Variants in SLC25A33 observed in about 807,000 individuals in gnomAD.
SLC25A33 encodes the protein bone marrow stromal cell mitochondrial carrier protein.
SLC25A33 carries 15 observed loss-of-function variants against 35.5 expected under a neutral mutation model. The observed-to-expected ratio is 0.42, with a 90% CI of 0.28 to 0.65. The LOEUF (loss-of-function observed/expected upper bound fraction) is 0.65, where lower values mean the gene tolerates loss of function less well. SLC25A33 is among the 30% of genes least tolerant of loss of function. SLC25A33 has a pLI of 0.20. For synonymous variants in SLC25A33, 136 were observed against 148.7 expected, an observed-to-expected ratio of 0.91 and a Z score of 0.62; for missense variants, 257 against 398.5, an observed-to-expected ratio of 0.64 and a Z score of 3.02.
intron 4 of SLC25A33, among the ~76,000 whole-genome samples, chr1:9,571,824 A>G (rs995539141): frequency 2.0e-5 from 3 of 152,062 alleles, no homozygotes; most frequent in African/African-American, 7.2e-5. Context: ...TATTTTTTGT[A>G]GAAATGGAGT....
chr1:9,561,155 G>GCTAATTA (rs1643418586), intron 2 of SLC25A33, among the ~76,000 whole-genome samples: 1 of 152,060 alleles, frequency 6.6e-6, no homozygotes, highest in South Asian at 2.1e-4. Flanking sequence ...GTATTAGCCA[G>GCTAATTA]GATGGACTCC....
In SLC25A33 at chr1:9,582,350, T is replaced by G; in HGVS notation, c.815T>G (p.Val272Gly). 6.2e-7 allele frequency: 1 copy of G among 1,613,982 alleles called. No individual in the cohort carries two copies. Among genetic ancestry groups the G allele is most frequent in the Non-Finnish European group, 8.5e-7 (1 of 1,179,870 alleles). Residue 272 changes from valine (V) to glycine (G), a missense_variant, in exon 7 of 7, where the codon GTC (valine) becomes GGC (glycine). Val to Gly is a moderately radical substitution (Grantham distance 109, BLOSUM62 -3). Coordinates refer to ENST00000302692, the MANE Select transcript of SLC25A33 (RefSeq NM_032315.3). The surrounding 1 kb of genome is among the most constrained non-coding windows in gnomAD (Gnocchi z 4.0). Reference sequence around the variant, plus strand: ...GAGGGCACCAAGTACAAGTCTTTTGTCCAGACGGCGCGCCTGGTGTTCCGG... The same window carrying G: ...GAGGGCACCAAGTACAAGTCTTTTGGCCAGACGGCGCGCCTGGTGTTCCGG... ...REEGTKYKSFVQTARLVFREE... is the reference protein window; with the variant it reads ...REEGTKYKSFGQTARLVFREE...
intron 1 of SLC25A33, among the ~76,000 whole-genome samples, chr1:9,553,367 G>A (rs921482287): frequency 6.6e-6 from 1 of 151,514 alleles, no homozygotes; most frequent in Non-Finnish European, 1.5e-5. Context: ...TGGGACTACA[G>A]GCGCCTGCCA....
Position 9,539,541 on chromosome 1 carries a change from A to T in SLC25A33, c.-151A>T. ...GCCGCGGAAGGCGCGGGCCGAGCAG[A>T]GCCGGGCGTTGGAGCCCGCGCGCGC... On this transcript the variant is annotated 5_prime_UTR_variant, in exon 1 of 7. Transcript: ENST00000302692. 1 of 424,008 alleles carries T rather than the reference A, an allele frequency of 2.4e-6. No homozygotes were observed. Among genetic ancestry groups the T allele is most frequent in the Non-Finnish European group, 3.6e-6 (1 of 278,694 alleles). The allele number at this position is 424,008 out of a possible 1,614,324, so 26.3% of individuals were successfully genotyped here.
chr1:9,552,092 G>T (rs1643274075), intron 1 of SLC25A33, among the ~76,000 whole-genome samples: 1 of 152,148 alleles, frequency 6.6e-6, no homozygotes, highest in Non-Finnish European at 1.5e-5. Context: ...GAATATAAGG[G>T]TAATACTCAA....
chr1:9,566,017 T>C (rs1359976441), intron 2 of SLC25A33, among the ~76,000 whole-genome samples: 2 of 152,150 alleles, frequency 1.3e-5, no homozygotes, highest in African/African-American at 4.8e-5. Context: ...CCTTAAATTC[T>C]GCCCTCCCCC....
intron 1 of SLC25A33, among the ~76,000 whole-genome samples, chr1:9,551,532 C>T (rs1239029244): frequency 6.6e-6 from 1 of 152,146 alleles, no homozygotes; most frequent in African/African-American, 2.4e-5. Context: ...TCTATATGTC[C>T]AGGCCTGTTT....
At chr1:9,580,882 A>G (rs1309068639) in intron 6 of SLC25A33, among the ~76,000 whole-genome samples, 1 of 148,704 alleles carries the variant, frequency 6.7e-6, no homozygotes, top group African/African-American at 2.4e-5. Context: ...AATAATAATA[A>G]TAATAATAAT....
rs368909848 is a variant in SLC25A33 at position 9,553,851 on chromosome 1, G to A, written c.236+46G>A. 4.3e-5 allele frequency: 67 copies of A among 1,555,104 alleles called. 1 individual carries two copies. Among genetic ancestry groups the A allele is most frequent in the South Asian group, 4.1e-4 (36 of 87,320 alleles). On this transcript the variant is annotated intron_variant, in intron 2 of 6. Transcript: ENST00000302692. ...TCCTGCCACCTGCACACCCTGTACCGCCACTGTCAACAGAGAATGTTCATC... is the reference window on the plus strand; with the variant it reads ...TCCTGCCACCTGCACACCCTGTACCACCACTGTCAACAGAGAATGTTCATC...
At chr1:9,549,984 AT>A (rs1256333682) in intron 1 of SLC25A33, among the ~76,000 whole-genome samples, 3 of 91,496 alleles carry the variant, frequency 3.3e-5, no homozygotes, top group African/African-American at 8.6e-5. Context: ...ATGTATATAT[AT>A]TTTTTCTATA....
chr1:9,554,109 GAAGAT>G (rs749342727), intron 2 of SLC25A33, among the ~76,000 whole-genome samples: 2 of 152,320 alleles, frequency 1.3e-5, no homozygotes, highest in African/African-American at 2.4e-5. Flanking sequence ...TGAGGGAAAT[GAAGAT>G]AAGAGGTGAT....
At chr1:9,565,939 G>A (rs562270877) in intron 2 of SLC25A33, among the ~76,000 whole-genome samples, 5 of 151,966 alleles carry the variant, frequency 3.3e-5, no homozygotes, top group Non-Finnish European at 5.9e-5. Flanking sequence ...ATAATCTTTG[G>A]ACTTGAGATA....
intron 5 of SLC25A33, chr1:9,576,935 G>A: frequency 7.7e-7 from 1 of 1,298,078 alleles, no homozygotes; most frequent in Admixed American, 1.7e-5. Flanking sequence ...GAAGTTTGGG[G>A]ATGGTATCTA....
At chr1:9,542,482 C>G (rs1270701289) in intron 1 of SLC25A33, among the ~76,000 whole-genome samples, 1 of 152,080 alleles carries the variant, frequency 6.6e-6, no homozygotes, top group Non-Finnish European at 1.5e-5. Flanking sequence ...TCTCACTAGC[C>G]TAAAATATTT....
intron 2 of SLC25A33, among the ~76,000 whole-genome samples, chr1:9,561,656 AGGCCT>A (rs1221000318): frequency 6.6e-5 from 10 of 152,158 alleles, no homozygotes; most frequent in Admixed American, 5.9e-4. Flanking sequence ...AGTTCTTAAC[AGGCCT>A]GAGTCACTTG....
intron 5 of SLC25A33, among the ~76,000 whole-genome samples, chr1:9,574,517 C>T (rs113533006): frequency 1.1e-4 from 17 of 152,316 alleles, no homozygotes; most frequent in African/African-American, 3.6e-4. Flanking sequence ...AAACAGTGTC[C>T]TGTGATGTTT....
chr1:9,573,429 TC>T lies in SLC25A33; in HGVS notation c.482+19del. The T allele has an allele frequency of 6.2e-7, 1 of 1,605,830 alleles. No individual in the cohort carries two copies. Among genetic ancestry groups the T allele is most frequent in the Non-Finnish European group, 8.5e-7 (1 of 1,173,898 alleles). On this transcript the variant is annotated intron_variant, in intron 5 of 6. Coordinates refer to ENST00000302692, the MANE Select transcript of SLC25A33 (RefSeq NM_032315.3). The stretch of plus-strand genomic sequence containing the variant: ...AGAACAGAAGTAAGTTATTATTTGT[TC>T]CTTCCTTAATGAAAGGATTTTTGGG...
rs551295373 is a variant in SLC25A33 at position 9,578,546 on chromosome 1, G to A, written c.483-1408G>A. The stretch of plus-strand genomic sequence containing the variant: ...GATGTTTTATGATTTTATAAATTTA[G>A]CAATAATAGAATCTATTTGGAGACG... On this transcript the variant is annotated intron_variant, in intron 5 of 6. Transcript: ENST00000302692. The surrounding 1 kb of genome is among the most constrained non-coding windows in gnomAD (Gnocchi z 4.3). 3.3e-5 allele frequency among the ~76,000 whole-genome samples: 5 copies of A among 152,320 alleles called. No homozygotes were observed. The South Asian group carries it at 1.0e-3, about 32-fold the overall frequency.
chr1:9,548,013 T>C (rs370477603), intron 1 of SLC25A33, among the ~76,000 whole-genome samples: 30 of 152,104 alleles, frequency 2.0e-4, no homozygotes, highest in African/African-American at 6.7e-4. Flanking sequence ...TAGCTGGGAC[T>C]ACAGGTGCGC....
Sources: allele counts gnomAD v4.1 joint callset (sites outside exome capture counted in the v4.1 genomes callset), GRCh38; gene constraint gnomAD v4.1.1; non-coding constraint Gnocchi (gnomAD v3.1); transcripts MANE v1.5; gene names NCBI Gene and HGNC (gene_info 2026-07-23, HGNC 2026-07-21).